PAIP2B: variants seen among roughly 807,000 people sequenced by gnomAD.
PAIP2B encodes the protein poly(A) binding protein interacting protein 2B, also known as polyadenylate-binding protein-interacting protein 2B.
A neutral mutation model predicts 17.0 loss-of-function variants in PAIP2B; 13 were observed. That is an observed-to-expected ratio of 0.76 (90% confidence interval 0.50 to 1.22). The LOEUF (loss-of-function observed/expected upper bound fraction) is 1.22, where lower values mean the gene tolerates loss of function less well. Ranked by LOEUF, PAIP2B falls within the 50% of genes most tolerant of loss-of-function variation. The probability of loss-of-function intolerance (pLI) is 0.00; values close to 1 mark genes in which losing one functional copy is unlikely to be tolerated. For synonymous variants in PAIP2B, 43 were observed against 48.7 expected (o/e 0.88, Z 0.48); for missense variants, 117 against 144.5 (o/e 0.81, Z 0.98).
chr2:71,212,106 G>A (rs1249567071), intron 1 of PAIP2B, among the ~76,000 whole-genome samples: 1 of 152,050 alleles, frequency 6.6e-6, no homozygotes, highest in African/African-American at 2.4e-5. Flanking sequence ...CATTCCTATG[G>A]GTAAATTATT....
chr2:71,201,002 TGTGTGG>T (rs60539238), intron 2 of PAIP2B, among the ~76,000 whole-genome samples: 1,436 of 28,302 alleles, frequency 0.051, 15 homozygotes, highest in African/African-American at 0.1. Context: ...TCTCTTTGTG[TGTGTGG>T]GTGTGTGTGT....
chr2:71,186,365 A>C lies in PAIP2B; in HGVS notation c.*2114T>G, dbSNP rs543439640. ...TTTGCTAGCTGCTTCCTATACCTGG[A>C]GTCAGTATGTTCAGTGTCTGAAGAA... is the stretch of plus-strand genomic sequence containing the variant. On this transcript the variant is annotated 3_prime_UTR_variant, in exon 4 of 4. Coordinates refer to ENST00000244221, the MANE Select transcript of PAIP2B (RefSeq NM_020459.1). 4.6e-5 allele frequency: 7 copies of C among 152,384 alleles called. No individual in the cohort carries two copies. The East Asian group carries it at 1.3e-3, about 29-fold the overall frequency. 9.4% of individuals were successfully genotyped at this position (152,384 alleles called of 1,614,324 possible). A position where few individuals can be genotyped will look rare whatever the true frequency, so the allele number is the denominator to read the frequency against.
At chr2:71,216,874 A>C (rs1675442713) in intron 1 of PAIP2B, among the ~76,000 whole-genome samples, 1 of 152,184 alleles carries the variant, frequency 6.6e-6, no homozygotes, top group African/African-American at 2.4e-5. Flanking sequence ...CTCACCCTCC[A>C]TCCAATGTAT....
intron 2 of PAIP2B, among the ~76,000 whole-genome samples, chr2:71,193,104 CT>C (rs969958125): frequency 6.6e-6 from 1 of 151,372 alleles, no homozygotes; most frequent in Non-Finnish European, 1.5e-5. Context: ...CGTGTTTTTT[CT>C]TTTTTTTTAC....
chr2:71,211,344 A>C (rs923828888), intron 1 of PAIP2B, among the ~76,000 whole-genome samples: 18 of 152,094 alleles, frequency 1.2e-4, no homozygotes, highest in African/African-American at 3.6e-4. Flanking sequence ...ATATAGAATC[A>C]CCTGGAAGTT....
chr2:71,198,285 A>ATTT (rs35659531), intron 2 of PAIP2B, among the ~76,000 whole-genome samples: 1 of 130,444 alleles, frequency 7.7e-6, no homozygotes, highest in Non-Finnish European at 1.6e-5. Flanking sequence ...GGCCCAGCTA[A>ATTT]TTTTTTTTTT....
At chr2:71,217,897 T>G (rs1421731024) in intron 1 of PAIP2B, among the ~76,000 whole-genome samples, 1 of 152,046 alleles carries the variant, frequency 6.6e-6, no homozygotes, top group Non-Finnish European at 1.5e-5. Context: ...CGAATTCTTA[T>G]CTCTACAAAA....
In PAIP2B at chr2:71,227,011, G is replaced by A. The variant is rs1675750745; in HGVS notation, c.-95C>T. ...AGCCGTTGCCGTAGAGGTCGCCGTC[G>A]CCACAACAGTCTCGGCCTTTAGTAC... On this transcript the variant is annotated 5_prime_UTR_variant, in exon 1 of 4. Transcript: ENST00000244221. 1.3e-5 allele frequency: 2 copies of A among 152,804 alleles called. No homozygotes were observed. The highest frequency in any genetic ancestry group is 2.4e-5 in the African/African-American group (1 of 41,296). The allele number at this position is 152,804 out of a possible 1,614,324, so 9.5% of individuals were successfully genotyped here.
intron 1 of PAIP2B, among the ~76,000 whole-genome samples, chr2:71,222,463 C>A (rs554953529): frequency 1.3e-5 from 2 of 152,316 alleles, no homozygotes; most frequent in South Asian, 4.1e-4. Flanking sequence ...CAGATATTCT[C>A]TCTTGGAAAA....
intron 2 of PAIP2B, among the ~76,000 whole-genome samples, chr2:71,197,199 G>C (rs1674843932): frequency 6.6e-6 from 1 of 152,128 alleles, no homozygotes; most frequent in Non-Finnish European, 1.5e-5. Context: ...TCTCCTGTAA[G>C]GCAAGTTTAG....
In PAIP2B at chr2:71,202,503, G is replaced by A; in HGVS notation, c.87C>T (p.Asn29=). 1 of 1,613,846 alleles carries A rather than the reference G, an allele frequency of 6.2e-7. No individual in the cohort carries two copies. The highest frequency in any genetic ancestry group is 8.5e-7 in the Non-Finnish European group (1 of 1,179,826). ...CCATCCACATGTACTCTGCAAATGG[G>A]TTTTCCTTTTCATCGTGCCCACTTA... is the stretch of plus-strand genomic sequence containing the variant. The part of the protein sequence containing the change: ...QGLSGHDEKE[N]PFAEYMWMEN... Residue 29 remains asparagine, a synonymous_variant, in exon 2 of 4, where the codon AAC becomes AAT. Coordinates refer to ENST00000244221, the MANE Select transcript of PAIP2B (RefSeq NM_020459.1).
At chr2:71,199,359 T>G (rs1674915826) in intron 2 of PAIP2B, among the ~76,000 whole-genome samples, 1 of 151,466 alleles carries the variant, frequency 6.6e-6, no homozygotes, top group Non-Finnish European at 1.5e-5. Flanking sequence ...ATATCTACCC[T>G]GATTTTTACT....
chr2:71,196,732 C>T (rs967031883), intron 2 of PAIP2B, among the ~76,000 whole-genome samples: 3 of 152,078 alleles, frequency 2.0e-5, no homozygotes, highest in African/African-American at 7.2e-5. Flanking sequence ...AAAGTTAGGT[C>T]TTCTTGCTGA....
At chr2:71,191,600 A>G (rs1368648235) in intron 2 of PAIP2B, among the ~76,000 whole-genome samples, 1 of 152,188 alleles carries the variant, frequency 6.6e-6, no homozygotes, top group African/African-American at 2.4e-5. Flanking sequence ...TTAAAATCAC[A>G]TTTGTCACCT....
chr2:71,199,001 T>C (rs973861905), intron 2 of PAIP2B, among the ~76,000 whole-genome samples: 6 of 152,196 alleles, frequency 3.9e-5, no homozygotes, highest in African/African-American at 1.2e-4. Context: ...CAACGAAGGA[T>C]TTAGAATATT....
chr2:71,190,310 G>A (rs1201041074), intron 2 of PAIP2B, among the ~76,000 whole-genome samples: 1 of 152,084 alleles, frequency 6.6e-6, no homozygotes, highest in Non-Finnish European at 1.5e-5. Flanking sequence ...TGTAGTCTCA[G>A]CTACTTGGGA....
rs968116881 is a variant in PAIP2B, at chr2:71,188,493, C to T, written c.358G>A (p.Gly120Arg). ...LNPDAKEFIP[G>R]EKY ...GCTTTCTCGGCTCAGTACTTCTCTC[C>T]TGGAATAAACTCCTTGGCATCTGGG... Residue 120 changes from glycine to arginine, a missense_variant, in exon 4 of 4, where the codon GGA (glycine) becomes AGA (arginine). Coordinates refer to ENST00000244221, the MANE Select transcript of PAIP2B (RefSeq NM_020459.1). 19 of 1,610,422 alleles carry T rather than the reference C, an allele frequency of 1.2e-5. No individual in the cohort carries two copies. The South Asian group carries it at 2.0e-4, about 17-fold the overall frequency.
chr2:71,222,631 C>T (rs543708631), intron 1 of PAIP2B, among the ~76,000 whole-genome samples: 2 of 152,346 alleles, frequency 1.3e-5, no homozygotes, highest in African/African-American at 4.8e-5. Context: ...ATTCAGCCCT[C>T]ATCACCAAAG....
intron 1 of PAIP2B, among the ~76,000 whole-genome samples, chr2:71,204,008 T>TCCTTCGCTATTTATTCACTGCTTC (rs1169395181): frequency 4.6e-5 from 7 of 152,162 alleles, no homozygotes; most frequent in African/African-American, 1.4e-4. Flanking sequence ...TTCACTACTT[T>TCCTTCGCTATTTATTCACTGCTTC]CCTTCGCTAT....
Sources: allele counts gnomAD v4.1 joint callset (sites outside exome capture counted in the v4.1 genomes callset), GRCh38; gene constraint gnomAD v4.1.1; transcripts MANE v1.5; gene names NCBI Gene and HGNC (gene_info 2026-07-23, HGNC 2026-07-21).